Variants in ADGRL2 observed in about 807,000 individuals in gnomAD.
The protein encoded by ADGRL2 is calcium-independent alpha-latrotoxin receptor 2.
ADGRL2 carries 44 observed loss-of-function variants against 157.4 expected under a neutral mutation model. The ratio of observed to expected loss-of-function variants is 0.28; its 90% CI spans 0.22 to 0.36. The LOEUF is 0.36. ADGRL2 is among the 10% of genes least tolerant of loss of function. ADGRL2 has a pLI of 1.00. For synonymous variants in ADGRL2, 585 were observed against 624.7 expected (o/e 0.94, Z 0.95); for missense variants, 1,510 against 1,768.9 (o/e 0.85, Z 2.63).
intron 2 of ADGRL2, among the ~76,000 whole-genome samples, chr1:81,896,476 G>A (rs1029777853): frequency 1.3e-5 from 2 of 152,014 alleles, no homozygotes; most frequent in African/African-American, 4.8e-5. Flanking sequence ...TGTCATCTTT[G>A]TCCTGTTTGT....
At chr1:81,946,340 CT>C (rs397861989) in intron 6 of ADGRL2, among the ~76,000 whole-genome samples, 9,932 of 128,494 alleles carry the variant, frequency 0.077, 256 homozygotes, top group East Asian at 0.13. Context: ...GTGCCTTAAT[CT>C]TTTTTTTTTT....
intron 2 of ADGRL2, among the ~76,000 whole-genome samples, chr1:81,787,463 T>C (rs2087107522): frequency 6.6e-6 from 1 of 151,994 alleles, no homozygotes; most frequent in African/African-American, 2.4e-5. Flanking sequence ...CAGACCAGCC[T>C]GGACAGCATG....
In ADGRL2 at chr1:81,966,623, T is replaced by C. The variant is rs755525285; in HGVS notation, c.2349+14T>C. Reference sequence around the variant, plus strand: ...CCACACATTGATGTAAGTTAATGTATGCTAATGAAGTAATGGAAGGTTATA... The same window carrying C: ...CCACACATTGATGTAAGTTAATGTACGCTAATGAAGTAATGGAAGGTTATA... On this transcript the variant is annotated intron_variant, in intron 13 of 23. Coordinates refer to ENST00000686636, the MANE Select transcript of ADGRL2 (RefSeq NM_001366006.2). 6 of 1,608,802 alleles carry C rather than the reference T, an allele frequency of 3.7e-6. No homozygotes were observed. The East Asian group carries it at 1.3e-4, about 36-fold the overall frequency.
intron 2 of ADGRL2, among the ~76,000 whole-genome samples, chr1:81,845,624 T>C (rs970168878): frequency 2.0e-5 from 3 of 151,986 alleles, no homozygotes; most frequent in Non-Finnish European, 4.4e-5. Context: ...CATTTTGATA[T>C]GAACTTTTTG....
At chr1:81,434,151 C>T (rs1022006440) in intron 1 of ADGRL2, among the ~76,000 whole-genome samples, 1 of 152,182 alleles carries the variant, frequency 6.6e-6, no homozygotes, top group Non-Finnish European at 1.5e-5. Context: ...AGGAATTAGA[C>T]TCCACATCTC....
chr1:81,609,909 C>T (rs1216661735), intron 3 of ADGRL2, among the ~76,000 whole-genome samples: 4 of 152,184 alleles, frequency 2.6e-5, no homozygotes, highest in Admixed American at 1.3e-4. Flanking sequence ...TGCTAATTAA[C>T]AAAGTGCTAA....
At chr1:81,641,597 C>T (rs753551487) in intron 3 of ADGRL2, among the ~76,000 whole-genome samples, 15 of 152,058 alleles carry the variant, frequency 9.9e-5, no homozygotes, top group Non-Finnish European at 1.9e-4. Context: ...TCAAAGAAGA[C>T]ATGTCAAGAG....
Position 81,988,687 on chromosome 1 carries a change from C to A in ADGRL2, c.3655+801C>A, listed in dbSNP as rs147687593. Among the ~76,000 whole-genome samples the A allele has an allele frequency of 4.1e-4, 63 of 152,148 alleles. No homozygotes were observed. In the East Asian group the frequency reaches 6.6e-3, roughly 16 times the overall value. ...TAACAAATATAATCTCTCATTTTCT[C>A]ATTTTTTTGCTAATGATAATTTGCC... On this transcript the variant is annotated intron_variant, in intron 23 of 23. Coordinates refer to ENST00000686636, the MANE Select transcript of ADGRL2 (RefSeq NM_001366006.2).
intron 3 of ADGRL2, among the ~76,000 whole-genome samples, chr1:81,682,537 G>A (rs1470017593): frequency 1.3e-5 from 2 of 152,108 alleles, no homozygotes; most frequent in East Asian, 1.9e-4. Flanking sequence ...ATGTCATCTG[G>A]CTTAAACAAG....
rs111907751 is a variant in ADGRL2, at chr1:81,768,479, C to CTTT, written c.-101+6638_-101+6640dup. 2.4e-3 allele frequency among the ~76,000 whole-genome samples: 345 copies of CTTT among 144,302 alleles called. 1 individual carries two copies. Among genetic ancestry groups the CTTT allele is most frequent in the Non-Finnish European group, 3.3e-3 (217 of 65,510 alleles). 94.7% of individuals were successfully genotyped at this position (144,302 alleles called of 152,430 possible). A position where few individuals can be genotyped will look rare whatever the true frequency, so the allele number is the denominator to read the frequency against. On this transcript the variant is annotated intron_variant, in intron 2 of 20. Transcript: ENST00000359929. The stretch of plus-strand genomic sequence containing the variant: ...GCATTTCCTGTTCTATGAAGTACCT[C>CTTT]TTTTTTTTTTTTTGAGAGAAGGTTC...
chr1:81,488,788 G>A (rs2078564950), intron 2 of ADGRL2, among the ~76,000 whole-genome samples: 1 of 151,778 alleles, frequency 6.6e-6, no homozygotes, highest in South Asian at 2.1e-4. Flanking sequence ...GTCCCTCAAA[G>A]CAAATAAATC....
intron 3 of ADGRL2, among the ~76,000 whole-genome samples, chr1:81,636,750 T>C (rs553128020): frequency 2.0e-5 from 3 of 152,216 alleles, no homozygotes; most frequent in Non-Finnish European, 4.4e-5. Flanking sequence ...CTTTAGTAAA[T>C]GCTAATGTGC....
chr1:81,631,103 T>C (rs973296491), intron 3 of ADGRL2, among the ~76,000 whole-genome samples: 3 of 152,262 alleles, frequency 2.0e-5, no homozygotes, highest in Middle Eastern at 6.8e-3. Flanking sequence ...ATTTCTACCT[T>C]TCCAATATGA....
intron 1 of ADGRL2, chr1:81,427,204 C>A (rs1239818689): frequency 3.1e-5 from 25 of 816,334 alleles, no homozygotes; most frequent in Non-Finnish European, 4.3e-5. Flanking sequence ...GCCATGGTGG[C>A]AACTTTGGTG....
intron 21 of ADGRL2, among the ~76,000 whole-genome samples, chr1:81,985,894 A>G (rs561310671): frequency 6.3e-4 from 96 of 152,154 alleles, no homozygotes; most frequent in African/African-American, 2.2e-3. Flanking sequence ...CCAATTTAGT[A>G]TGAAAAATTA....
upstream of ADGRL2, among the ~76,000 whole-genome samples, chr1:81,696,507 C>T (rs1305613665): frequency 2.0e-5 from 3 of 152,108 alleles, no homozygotes; most frequent in Non-Finnish European, 4.4e-5. Flanking sequence ...AATCCCAGCA[C>T]TTTGGGAGGC....
chr1:81,912,024 TAGA>T (rs1441347004), intron 3 of ADGRL2, among the ~76,000 whole-genome samples: 1 of 151,986 alleles, frequency 6.6e-6, no homozygotes, highest in Non-Finnish European at 1.5e-5. Context: ...AGCACCTGAC[TAGA>T]ACCTCATAGC....
intron 3 of ADGRL2, among the ~76,000 whole-genome samples, chr1:81,651,491 G>A (rs186080190): frequency 1.7e-4 from 26 of 152,116 alleles, no homozygotes; most frequent in East Asian, 7.7e-4. Context: ...TTCTGCAAAC[G>A]TACACAAAAC....
At chr1:81,904,692 G>A (rs1371545975) in intron 2 of ADGRL2, among the ~76,000 whole-genome samples, 1 of 152,200 alleles carries the variant, frequency 6.6e-6, no homozygotes, top group African/African-American at 2.4e-5. Context: ...GGCGGATCAC[G>A]AGGTCAAGGG....
Sources: allele counts gnomAD v4.1 joint callset (sites outside exome capture counted in the v4.1 genomes callset), GRCh38; gene constraint gnomAD v4.1.1; transcripts MANE v1.5; gene names NCBI Gene and HGNC (gene_info 2026-07-23, HGNC 2026-07-21).